The following NCLN variants were observed in gnomAD, a reference collection of about 807,000 sequenced individuals.
NCLN encodes the protein BOS complex subunit NCLN.
A neutral mutation model predicts 69.5 loss-of-function variants in NCLN; 34 were observed. The ratio of observed to expected loss-of-function variants is 0.49; its 90% CI spans 0.37 to 0.65. The LOEUF (loss-of-function observed/expected upper bound fraction) is 0.65, where lower values mean the gene tolerates loss of function less well. NCLN is among the 30% of genes least tolerant of loss of function. The pLI, the probability that NCLN is intolerant of heterozygous loss-of-function variation, is 0.00. For synonymous variants in NCLN, 393 were observed against 358.3 expected (o/e 1.10, Z -1.09); for missense variants, 710 against 804.8 (o/e 0.88, Z 1.42).
At chr19:3,199,690 T>G (rs1399062688) in intron 5 of NCLN, among the ~76,000 whole-genome samples, 4 of 39,850 alleles carry the variant, frequency 1.0e-4, no homozygotes, top group Admixed American at 7.6e-4. Context: ...TGCCTCCTCC[T>G]TTTTTTTTTT....
chr19:3,189,920 C>T (rs1038795606), intron 1 of NCLN, among the ~76,000 whole-genome samples: 9 of 152,232 alleles, frequency 5.9e-5, no homozygotes, highest in Admixed American at 2.6e-4. Flanking sequence ...AATGGGAGGC[C>T]GTGGCCTTCA....
chr19:3,204,020 A>G lies in NCLN; in HGVS notation c.905A>G (p.Gln302Arg). The G allele has an allele frequency of 6.4e-7, 1 of 1,573,372 alleles. No individual in the cohort carries two copies. The highest frequency in any genetic ancestry group is 8.6e-7 in the Non-Finnish European group (1 of 1,159,406). The change falls in exon 8 of 15, where the codon CAG becomes CGG. Residue 302 changes from glutamine (Q) to arginine (R), a missense_variant. Coordinates refer to ENST00000246117, the MANE Select transcript of NCLN (RefSeq NM_020170.4). ...TGTCCTGCAGACTCCAGCCTGCTTC[A>G]GGACAATGTGGCCTTCGTGCTGTGC... ...NLDHTDSSLL[Q>R]DNVAFVLCLD...
In NCLN at chr19:3,207,740, G is replaced by A. The variant is rs755006032; in HGVS notation, c.*52G>A. ...CCGCCGCTCCACAGTCCCTGGGGCC[G>A]AGCACGAGTGAGTGGACACTGCCCC... On this transcript the variant is annotated 3_prime_UTR_variant, in exon 15 of 15. Coordinates refer to ENST00000246117, the MANE Select transcript of NCLN (RefSeq NM_020170.4). 1.1e-5 allele frequency: 17 copies of A among 1,507,506 alleles called. No individual in the cohort carries two copies. The highest frequency in any genetic ancestry group is 2.7e-5 in the African/African-American group (2 of 72,768). The allele number at this position is 1,507,506 out of a possible 1,614,324, so 93.4% of individuals were successfully genotyped here.
rs376460851 is a variant in NCLN, at chr19:3,207,712, C to T, written c.*24C>T. On this transcript the variant is annotated 3_prime_UTR_variant, in exon 15 of 15. Coordinates refer to ENST00000246117, the MANE Select transcript of NCLN (RefSeq NM_020170.4). ...GACACAGCCACCCCCACAGCCGGAGCCCCCGCCGCTCCACAGTCCCTGGGG... is the reference window on the plus strand; with the variant it reads ...GACACAGCCACCCCCACAGCCGGAGTCCCCGCCGCTCCACAGTCCCTGGGG... 1.2e-5 allele frequency: 19 copies of T among 1,593,030 alleles called. No homozygotes were observed. The African/African-American group carries it at 2.3e-4, about 19-fold the overall frequency.
chr19:3,198,286 C>G (rs1421483734), intron 4 of NCLN, among the ~76,000 whole-genome samples: 11 of 152,072 alleles, frequency 7.2e-5, no homozygotes, highest in Non-Finnish European at 1.5e-4. Flanking sequence ...GTGGGCGGAT[C>G]ATGAGATCAG....
chr19:3,201,696 C>A, intron 6 of NCLN, 70 bp downstream of exon 6: 1 of 1,277,278 alleles, frequency 7.8e-7, no homozygotes, highest in Non-Finnish European at 1.1e-6. Flanking sequence ...GCCCACCAGG[C>A]ACCTCTGCAG....
Position 3,201,591 on chromosome 19 carries a change from C to T in NCLN, c.765C>T (p.Phe255=). The change falls in exon 6 of 15, where the codon TTC becomes TTT. Residue 255 remains phenylalanine (F), a synonymous_variant. Coordinates refer to ENST00000246117, the MANE Select transcript of NCLN (RefSeq NM_020170.4). ...TGCTGCTGGAGCTGGCACGCCTCTT[C>T]TCCCGGCTCTACACCTACAAGCGCA... ...VSVLLELARL[F]SRLYTYKRTH... 1.3e-6 allele frequency: 2 copies of T among 1,563,616 alleles called. No individual in the cohort carries two copies. The highest frequency in any genetic ancestry group is 1.2e-5 in the South Asian group (1 of 86,052).
At chr19:3,189,360 G>C (rs550247646) in intron 1 of NCLN, among the ~76,000 whole-genome samples, 12 of 152,378 alleles carry the variant, frequency 7.9e-5, no homozygotes, top group Admixed American at 7.8e-4. Context: ...CAGCCTGTAG[G>C]TCACGTCTGG....
chr19:3,188,444 A>G (rs1181623524), intron 1 of NCLN, among the ~76,000 whole-genome samples: 2 of 151,880 alleles, frequency 1.3e-5, no homozygotes, highest in Non-Finnish European at 2.9e-5. Context: ...AGTCCCTCCC[A>G]GTTTCCTTGT....
At chr19:3,203,469 A>T (rs1232800324) in intron 6 of NCLN, among the ~76,000 whole-genome samples, 1 of 152,104 alleles carries the variant, frequency 6.6e-6, no homozygotes, top group East Asian at 1.9e-4. Context: ...GCCTGGAGAC[A>T]CTGAGTGATT....
intron 1 of NCLN, among the ~76,000 whole-genome samples, chr19:3,191,039 C>T (rs571722600): frequency 3.6e-4 from 50 of 139,880 alleles, no homozygotes; most frequent in South Asian, 9.7e-4. Flanking sequence ...CGTCGTGGTG[C>T]GTGGCGGGCA....
intron 3 of NCLN, 69 bp from the exon 4 acceptor site, chr19:3,196,114 G>T: frequency 1.6e-6 from 2 of 1,216,868 alleles, no homozygotes; most frequent in Non-Finnish European, 2.3e-6. Context: ...TGGGGTGTCA[G>T]TGCTGGGGAT....
chr19:3,207,855 C>G lies in NCLN; in HGVS notation c.*167C>G. 1 of 605,222 alleles carries G rather than the reference C, an allele frequency of 1.7e-6. No individual in the cohort carries two copies. The highest frequency in any genetic ancestry group is 2.1e-5 in the South Asian group (1 of 47,724). The allele number at this position is 605,222 out of a possible 1,614,324, so 37.5% of individuals were successfully genotyped here. On this transcript the variant is annotated 3_prime_UTR_variant, in exon 15 of 15. Coordinates refer to ENST00000246117, the MANE Select transcript of NCLN (RefSeq NM_020170.4). ...TACAGAGCTTTTTTCTGTTGCTCTC[C>G]GAGACTGGGGGGGGATTGTTTCTTC...
intron 2 of NCLN, 100 bp from the exon 3 acceptor site, chr19:3,193,184 G>A (rs1915874001): frequency 5.0e-6 from 6 of 1,189,008 alleles, no homozygotes; most frequent in Non-Finnish European, 7.1e-6. Flanking sequence ...GACAGTCACT[G>A]GGCCCCCTGC....
Position 3,198,135 on chromosome 19 carries a change from G to A in NCLN, c.616-682G>A, listed in dbSNP as rs774298595. The stretch of plus-strand genomic sequence containing the variant: ...GTGCACACAGACCCTGAAGGAACCC[G>A]AATGCCTGGCTGAGGGGCTCAGCCC... On this transcript the variant is annotated intron_variant, in intron 4 of 14. Transcript: ENST00000246117. Among the ~76,000 whole-genome samples the A allele has an allele frequency of 8.5e-5, 13 of 152,164 alleles. No homozygotes were observed. In the South Asian group the frequency reaches 1.4e-3, roughly 17 times the overall value.
At position 3,198,841 on chromosome 19, in the gene NCLN, G is replaced by C; in HGVS notation, c.640G>C (p.Glu214Gln). The part of the protein sequence containing the change: ...VEGRLTGLGG[E>Q]DLPTIVIVAH... ...GGGGCGGCTGACGGGGCTGGGCGGAGAGGACCTTCCCACCATCGTCATCGT... is the reference window on the plus strand; with the variant it reads ...GGGGCGGCTGACGGGGCTGGGCGGACAGGACCTTCCCACCATCGTCATCGT... Residue 214 changes from glutamate to glutamine, a missense_variant, in exon 5 of 15, where the codon GAG (glutamate) becomes CAG (glutamine). Transcript: ENST00000246117. The C allele has an allele frequency of 6.4e-7, 1 of 1,574,632 alleles. No homozygotes were observed. Among genetic ancestry groups the C allele is most frequent in the Non-Finnish European group, 8.6e-7 (1 of 1,161,176 alleles).
intron 1 of NCLN, among the ~76,000 whole-genome samples, chr19:3,190,845 G>A (rs73512590): frequency 6.6e-6 from 1 of 152,172 alleles, no homozygotes; most frequent in South Asian, 2.1e-4. Flanking sequence ...TTAGAGCGTT[G>A]CTTGTCTTTT....
Position 3,190,165 on chromosome 19 carries a change from C to T in NCLN, c.185-2305C>T, listed in dbSNP as rs558483225. 2.0e-5 allele frequency among the ~76,000 whole-genome samples: 3 copies of T among 152,290 alleles called. No individual in the cohort carries two copies. The East Asian group carries it at 5.8e-4, about 29-fold the overall frequency. ...CAGGGGAGGGGTGCTCCCAGCACTG[C>T]AGGAGCCCCAAGGACTCCCTCGAGG... On this transcript the variant is annotated intron_variant, in intron 1 of 14. Transcript: ENST00000246117.
chr19:3,195,566 C>T (rs1394248286), intron 3 of NCLN, among the ~76,000 whole-genome samples: 3 of 152,088 alleles, frequency 2.0e-5, no homozygotes, highest in Admixed American at 6.6e-5. Context: ...TCTTACATAC[C>T]TATGATGATT....
Sources: gnomAD v4.1 joint callset for allele counts (sites outside exome capture counted in the v4.1 genomes callset) on GRCh38, gnomAD v4.1.1 for gene constraint, MANE v1.5 for transcripts, NCBI Gene and HGNC (gene_info 2026-07-23, HGNC 2026-07-21) for gene names.